TTBK2: variants seen among roughly 807,000 people sequenced by gnomAD.
TTBK2 encodes tau tubulin kinase 2.
In TTBK2, 28 loss-of-function variants were observed where a neutral mutation model predicts 110.8. The ratio of observed to expected loss-of-function variants is 0.25; its 90% CI spans 0.19 to 0.35. TTBK2 has a LOEUF of 0.35. Ranked by LOEUF, TTBK2 falls within the 10% of genes least tolerant of loss-of-function variation. The pLI, the probability that TTBK2 is intolerant of heterozygous loss-of-function variation, is 1.00. For synonymous variants in TTBK2, 532 were observed against 527.3 expected (o/e 1.01, Z -0.12); for missense variants, 1,369 against 1,500.3 (o/e 0.91, Z 1.45).
intron 2 of TTBK2, among the ~76,000 whole-genome samples, chr15:42,874,838 T>C (rs1894752753): frequency 6.6e-6 from 1 of 151,528 alleles, no homozygotes; most frequent in Non-Finnish European, 1.5e-5. Flanking sequence ...TTATAAAAAT[T>C]AGCCGGGCGT....
At chr15:42,773,664 G>C (rs1456285747) in intron 13 of TTBK2, among the ~76,000 whole-genome samples, 1 of 152,044 alleles carries the variant, frequency 6.6e-6, no homozygotes, top group African/African-American at 2.4e-5. Context: ...CCTCCATGAA[G>C]GGAGGCACAC....
chr15:42,791,038 C>G (rs376908938), intron 10 of TTBK2, among the ~76,000 whole-genome samples: 1 of 152,194 alleles, frequency 6.6e-6, no homozygotes, highest in South Asian at 2.1e-4. Flanking sequence ...CACCTGCCAC[C>G]ATGCCTGGCT....
intron 10 of TTBK2, among the ~76,000 whole-genome samples, chr15:42,790,781 C>T (rs1196026607): frequency 6.6e-6 from 1 of 152,008 alleles, no homozygotes; most frequent in African/African-American, 2.4e-5. Flanking sequence ...CTCACTGCAA[C>T]CTCTGCCTCA....
chr15:42,812,361 T>TA (rs1891760315), intron 7 of TTBK2, among the ~76,000 whole-genome samples: 1 of 152,158 alleles, frequency 6.6e-6, no homozygotes, highest in Non-Finnish European at 1.5e-5. Context: ...AAATGAGTTT[T>TA]AAAAAAATTG....
intron 1 of TTBK2, among the ~76,000 whole-genome samples, chr15:42,918,673 G>T (rs2031214919): frequency 6.6e-6 from 1 of 152,064 alleles, no homozygotes; most frequent in Non-Finnish European, 1.5e-5. Context: ...TCTAAATTAT[G>T]CAAACTTCCC....
intron 1 of TTBK2, among the ~76,000 whole-genome samples, chr15:42,910,831 G>T (rs2030708633): frequency 6.6e-6 from 1 of 152,018 alleles, no homozygotes; most frequent in African/African-American, 2.4e-5. Context: ...AGATCACGAG[G>T]TGAGGAGTTC....
intron 13 of TTBK2, among the ~76,000 whole-genome samples, chr15:42,767,403 T>C (rs1313901653): frequency 1.3e-5 from 2 of 151,998 alleles, no homozygotes; most frequent in Non-Finnish European, 1.5e-5. Context: ...AAGAATCAAA[T>C]AGACGCAATA....
chr15:42,865,602 C>T (rs1037584630), intron 3 of TTBK2, among the ~76,000 whole-genome samples: 7 of 151,714 alleles, frequency 4.6e-5, no homozygotes, highest in Non-Finnish European at 7.4e-5. Context: ...GCAGGAGGAT[C>T]ACCTGAGGCC....
At chr15:42,900,615 G>A (rs750797038) in intron 1 of TTBK2, among the ~76,000 whole-genome samples, 9 of 151,894 alleles carry the variant, frequency 5.9e-5, no homozygotes, top group Middle Eastern at 3.2e-3. Context: ...CCAGCTACTC[G>A]GGAGACTGAG....
At chr15:42,759,498 C>T (rs1307059504) in intron 13 of TTBK2, among the ~76,000 whole-genome samples, 2 of 152,214 alleles carry the variant, frequency 1.3e-5, no homozygotes, top group African/African-American at 4.8e-5. Context: ...AGCACTGTGG[C>T]CCCAACCCCA....
chr15:42,890,455 C>T (rs1465842629), intron 1 of TTBK2, among the ~76,000 whole-genome samples: 1 of 152,198 alleles, frequency 6.6e-6, no homozygotes, highest in Admixed American at 6.5e-5. Context: ...TGTATCTCTT[C>T]ACCTGTATCC....
chr15:42,872,342 A>T (rs1454625722), intron 3 of TTBK2, among the ~76,000 whole-genome samples: 2 of 152,226 alleles, frequency 1.3e-5, no homozygotes, highest in Admixed American at 6.5e-5. Context: ...TACTTTCCGA[A>T]GCAGTAAAAA....
intron 1 of TTBK2, among the ~76,000 whole-genome samples, chr15:42,885,683 C>T (rs1161534656): frequency 1.3e-5 from 2 of 152,086 alleles, no homozygotes; most frequent in Non-Finnish European, 2.9e-5. Context: ...TTTGGTGTCT[C>T]TACCCCTTCT....
intron 13 of TTBK2, among the ~76,000 whole-genome samples, chr15:42,774,231 G>A (rs1044093845): frequency 6.6e-6 from 1 of 152,196 alleles, no homozygotes; most frequent in Non-Finnish European, 1.5e-5. Context: ...AGTTGGGGGA[G>A]GGGGACTGCT....
At chr15:42,805,285 G>A (rs527269040) in intron 9 of TTBK2, among the ~76,000 whole-genome samples, 1 of 152,264 alleles carries the variant, frequency 6.6e-6, no homozygotes, top group South Asian at 2.1e-4. Context: ...CAAGGCCCTG[G>A]CTCTTAAGGA....
chr15:42,902,751 G>A (rs982080623), intron 1 of TTBK2, among the ~76,000 whole-genome samples: 1 of 152,124 alleles, frequency 6.6e-6, no homozygotes, highest in African/African-American at 2.4e-5. Flanking sequence ...CCAGCACTTT[G>A]CAGGGCCGAG....
chr15:42,812,168 C>A (rs2140929370), intron 7 of TTBK2, among the ~76,000 whole-genome samples: 1 of 152,234 alleles, frequency 6.6e-6, no homozygotes, highest in East Asian at 1.9e-4. Flanking sequence ...ATGAGTTTAT[C>A]AACCAGGAAG....
chr15:42,803,185 C>T lies in TTBK2; in HGVS notation c.822+7429G>A, dbSNP rs192827582. Among the ~76,000 whole-genome samples the T allele has an allele frequency of 1.4e-3, 215 of 152,324 alleles. 1 individual carries two copies. The highest frequency in any genetic ancestry group is 4.9e-3 in the African/African-American group (203 of 41,558). ...TGTACTTACACAAAGCTAGATGGTA[C>T]AGCCTATTACACACCTAGGCTATAT... On this transcript the variant is annotated intron_variant, in intron 9 of 14. Transcript: ENST00000267890.
At chr15:42,847,089 G>C (rs1387499380) in intron 3 of TTBK2, among the ~76,000 whole-genome samples, 1 of 152,116 alleles carries the variant, frequency 6.6e-6, no homozygotes, top group African/African-American at 2.4e-5. Flanking sequence ...CCAAGGAGGG[G>C]GGAATCAAGG....
Sources: allele counts gnomAD v4.1 joint callset (sites outside exome capture counted in the v4.1 genomes callset), GRCh38; gene constraint gnomAD v4.1.1; transcripts MANE v1.5; gene names NCBI Gene and HGNC (gene_info 2026-07-23, HGNC 2026-07-21).